Variants in ABCC1 observed in about 807,000 individuals in gnomAD.
ABCC1 encodes the protein ATP binding cassette subfamily C member 1 (ABCC1 blood group).
Under a neutral mutation model 172.9 loss-of-function variants are expected in ABCC1, and 83 were observed. That is an observed-to-expected ratio of 0.48 (90% CI 0.40 to 0.58). ABCC1 has a LOEUF of 0.58. Among genes scored for constraint, ABCC1 ranks in the 20% least tolerant of loss-of-function variants. ABCC1 has a pLI of 0.00. For synonymous variants in ABCC1, 937 were observed against 825.2 expected, an observed-to-expected ratio of 1.14 and a Z score of -2.32; for missense variants, 1,817 against 2,002.7, an observed-to-expected ratio of 0.91 and a Z score of 1.77.
chr16:16,130,514 A>G (rs2045631227), intron 26 of ABCC1, among the ~76,000 whole-genome samples: 1 of 151,242 alleles, frequency 6.6e-6, no homozygotes, highest in Non-Finnish European at 1.5e-5. Context: ...ATTTTACAAA[A>G]TCACTTTTTA....
chr16:15,952,925 G>C (rs536828315), intron 1 of ABCC1, among the ~76,000 whole-genome samples: 4 of 150,590 alleles, frequency 2.7e-5, no homozygotes, highest in African/African-American at 4.9e-5. Context: ...CTGTGGTCCC[G>C]GCTACTAGGG....
At chr16:15,999,497 C>T (rs998505086) in intron 1 of ABCC1, among the ~76,000 whole-genome samples, 2 of 151,626 alleles carry the variant, frequency 1.3e-5, no homozygotes, top group Admixed American at 1.3e-4. Context: ...CGCCTATAGT[C>T]CCAGCTACTC....
At chr16:16,084,008 G>A (rs1329299468) in intron 17 of ABCC1, among the ~76,000 whole-genome samples, 1 of 152,196 alleles carries the variant, frequency 6.6e-6, no homozygotes, top group Non-Finnish European at 1.5e-5. Context: ...TGATTCATAT[G>A]TTCACAGTCC....
chr16:16,093,036 C>T (rs1237082325), intron 19 of ABCC1, among the ~76,000 whole-genome samples: 1 of 152,200 alleles, frequency 6.6e-6, no homozygotes, highest in African/African-American at 2.4e-5. Flanking sequence ...TGATAGCTGA[C>T]ATTCCCTTCA....
chr16:16,039,059 G>A (rs1298597738), intron 7 of ABCC1, among the ~76,000 whole-genome samples: 1 of 152,112 alleles, frequency 6.6e-6, no homozygotes, highest in African/African-American at 2.4e-5. Context: ...TGGAACAAAA[G>A]AGACACACTC....
chr16:16,075,727 C>T (rs914519689), intron 14 of ABCC1, among the ~76,000 whole-genome samples: 1 of 152,200 alleles, frequency 6.6e-6, no homozygotes, highest in African/African-American at 2.4e-5. Flanking sequence ...GTTCCGTATC[C>T]TCTTTTTTTG....
chr16:16,086,778 C>T, intron 17 of ABCC1, 46 bp from the exon 18 acceptor site: 1 of 1,601,898 alleles, frequency 6.2e-7, no homozygotes, highest in South Asian at 1.1e-5. Context: ...TATTGTGAGT[C>T]TCAAGATTTC....
chr16:16,031,654 G>C (rs1464928017), intron 5 of ABCC1, among the ~76,000 whole-genome samples: 1 of 152,094 alleles, frequency 6.6e-6, no homozygotes, highest in Non-Finnish European at 1.5e-5. Context: ...ACTGCTGTCT[G>C]TTGGGAATGC....
chr16:16,031,763 A>T (rs2048566301), intron 5 of ABCC1, among the ~76,000 whole-genome samples: 1 of 151,984 alleles, frequency 6.6e-6, no homozygotes, highest in African/African-American at 2.4e-5. Context: ...CGTACACCAG[A>T]TCAGCCCCCA....
At chr16:15,982,826 G>GAAAAAAAAAAAAAAAAAAA (rs1272269895) in intron 1 of ABCC1, among the ~76,000 whole-genome samples, 10 of 43,682 alleles carry the variant, frequency 2.3e-4, no homozygotes, top group South Asian at 7.6e-4. Context: ...AAAAAAAAAG[G>GAAAAAAAAAAAAAAAAAAA]AAATCCATTC....
chr16:16,124,337 G>GTGTGTGTGTGTGTA lies in ABCC1; in HGVS notation c.3591-440_3591-439insTATGTGTGTGTGTG, dbSNP rs150885815. 5.7e-4 allele frequency among the ~76,000 whole-genome samples: 70 copies of GTGTGTGTGTGTGTA among 122,884 alleles called. 2 individuals carry two copies. Among genetic ancestry groups the GTGTGTGTGTGTGTA allele is most frequent in the Middle Eastern group, 4.1e-3 (1 of 246 alleles). The allele number at this position is 122,884 out of a possible 152,430, so 80.6% of individuals were successfully genotyped here. A position where few individuals can be genotyped will look rare whatever the true frequency, so the allele number is the denominator to read the frequency against. On this transcript the variant is annotated intron_variant, in intron 24 of 30. Coordinates refer to ENST00000399410, the MANE Select transcript of ABCC1 (RefSeq NM_004996.4). Reference sequence around the variant, plus strand: ...GCACTGTGTGTGTGTGTGTGTGTGTGTGTGTGTGTGTGATTATAGGAGTGA... The same window carrying GTGTGTGTGTGTGTA: ...GCACTGTGTGTGTGTGTGTGTGTGTGTGTGTGTGTGTGTATGTGTGTGTGTGATTATAGGAGTGA...
chr16:16,055,006 G>GT (rs2151911425), intron 11 of ABCC1, among the ~76,000 whole-genome samples: 1 of 152,286 alleles, frequency 6.6e-6, no homozygotes, highest in Admixed American at 6.5e-5. Flanking sequence ...GAGGCAGGAG[G>GT]TTGGCTTGTG....
intron 1 of ABCC1, among the ~76,000 whole-genome samples, chr16:15,967,321 T>G (rs1467315624): frequency 1.3e-5 from 2 of 152,096 alleles, no homozygotes; most frequent in Non-Finnish European, 2.9e-5. Context: ...CCTGTTGTTA[T>G]AGAGCATCTG....
intron 7 of ABCC1, 29 bp downstream of exon 7, chr16:16,036,632 A>G (rs1401258179): frequency 1.2e-6 from 2 of 1,609,926 alleles, no homozygotes; most frequent in Admixed American, 1.7e-5. Flanking sequence ...GTCCTCCAGG[A>G]TGCCCTGGTC....
At chr16:15,954,113 T>G (rs992813362) in intron 1 of ABCC1, among the ~76,000 whole-genome samples, 1 of 151,276 alleles carries the variant, frequency 6.6e-6, no homozygotes, top group Non-Finnish European at 1.5e-5. Context: ...GTTCACATGA[T>G]TCCCCTGCCT....
Position 16,132,519 on chromosome 16 carries a change from T to TTTG in ABCC1, c.3966+586_3966+587insGTT, listed in dbSNP as rs1567441471. ...TGTTTTTTGGTTGGTTGTTTTTTTT[T>TTTG]TTTTTTTTTTTTTTTTTTTTGAGAT... On this transcript the variant is annotated intron_variant, in intron 27 of 30. Coordinates refer to ENST00000399410, the MANE Select transcript of ABCC1 (RefSeq NM_004996.4). Among the ~76,000 whole-genome samples the TTTG allele has an allele frequency of 1.6e-3, 138 of 84,476 alleles. 8 individuals are homozygous for TTTG. Among genetic ancestry groups the TTTG allele is most frequent in the East Asian group, 2.4e-3 (8 of 3,396 alleles). 55.4% of individuals were successfully genotyped at this position (84,476 alleles called of 152,430 possible).
At chr16:16,016,161 T>TG (rs1567316110) in intron 4 of ABCC1, among the ~76,000 whole-genome samples, 1 of 146,258 alleles carries the variant, frequency 6.8e-6, no homozygotes, top group Non-Finnish European at 1.5e-5. Context: ...TTTTTTTTTT[T>TG]TTTTTTTTTT....
At chr16:15,969,386 CTTTTT>C (rs1362211289) in intron 1 of ABCC1, among the ~76,000 whole-genome samples, 2 of 77,624 alleles carry the variant, frequency 2.6e-5, no homozygotes, top group Non-Finnish European at 5.1e-5. Flanking sequence ...TTTTTTTTTT[CTTTTT>C]AAGAGAGTTT....
At chr16:16,061,764 CTTTT>C (rs974531887) in intron 12 of ABCC1, among the ~76,000 whole-genome samples, 2 of 139,186 alleles carry the variant, frequency 1.4e-5, no homozygotes, top group African/African-American at 5.5e-5. Context: ...CTTTTTTTTT[CTTTT>C]TTTCTTTTTT....
Sources: allele counts gnomAD v4.1 joint callset (sites outside exome capture counted in the v4.1 genomes callset), GRCh38; gene constraint gnomAD v4.1.1; transcripts MANE v1.5; gene names NCBI Gene and HGNC (gene_info 2026-07-23, HGNC 2026-07-21).